ACOXL: variants seen among roughly 807,000 people sequenced by gnomAD.
ACOXL encodes acyl-coenzyme A oxidase-like protein.
In ACOXL, 70 loss-of-function variants were observed where a neutral mutation model predicts 71.9. The ratio of observed to expected loss-of-function variants is 0.97; its 90% confidence interval spans 0.80 to 1.19. The LOEUF (loss-of-function observed/expected upper bound fraction) is 1.19, where lower values mean the gene tolerates loss of function less well. Among genes scored for constraint, ACOXL ranks in the 50% most tolerant of loss-of-function variants. The pLI is 0.00. For synonymous variants in ACOXL, 253 were observed against 281.6 expected, an observed-to-expected ratio of 0.90 and a Z score of 1.02; for missense variants, 703 against 736.3, an observed-to-expected ratio of 0.95 and a Z score of 0.52.
rs563433441 is a variant in ACOXL at position 110,910,848 on chromosome 2, CACTT to C, written c.905+1949_905+1952del. ...AGAGTTTATTTATAACAAAAACAAG[CACTT>C]ACTTATTTTAAATATTTTTGGTCAG... is the stretch of plus-strand genomic sequence containing the variant. On this transcript the variant is annotated intron_variant, in intron 11 of 17. Transcript: ENST00000439055. Among the ~76,000 whole-genome samples, 496 of 152,220 alleles carry C rather than the reference CACTT, an allele frequency of 3.3e-3. 2 individuals are homozygous for C. Among genetic ancestry groups the C allele is most frequent in the African/African-American group, 0.011 (450 of 41,550 alleles).
At chr2:110,803,676 A>G (rs1373529285) in intron 8 of ACOXL, among the ~76,000 whole-genome samples, 2 of 152,236 alleles carry the variant, frequency 1.3e-5, no homozygotes, top group Non-Finnish European at 2.9e-5. Flanking sequence ...ATTGGACTTC[A>G]TCGAAGTTAT....
chr2:110,741,892 C>T (rs766679293), intron 1 of ACOXL, among the ~76,000 whole-genome samples: 1 of 152,178 alleles, frequency 6.6e-6, no homozygotes, highest in Non-Finnish European at 1.5e-5. Flanking sequence ...GGTGGTTTTC[C>T]AAGTGTCTGC....
At chr2:110,881,377 A>G (rs1275168690) in intron 10 of ACOXL, among the ~76,000 whole-genome samples, 2 of 152,100 alleles carry the variant, frequency 1.3e-5, no homozygotes, top group Non-Finnish European at 2.9e-5. Flanking sequence ...TGGTAACTTA[A>G]AAATTATATC....
At chr2:110,847,752 G>A (rs1692095594) in intron 10 of ACOXL, among the ~76,000 whole-genome samples, 1 of 152,210 alleles carries the variant, frequency 6.6e-6, no homozygotes, top group Admixed American at 6.5e-5. Flanking sequence ...CTCGAGGGCT[G>A]GACGGGGAAA....
intron 1 of ACOXL, among the ~76,000 whole-genome samples, chr2:110,750,672 G>GGT (rs374223711): frequency 7.4e-5 from 11 of 147,940 alleles, no homozygotes; most frequent in South Asian, 2.2e-4. Flanking sequence ...TATGTGTATG[G>GGT]GTGTGTGTGT....
chr2:110,806,309 G>C (rs1686637022), intron 9 of ACOXL, among the ~76,000 whole-genome samples: 1 of 152,236 alleles, frequency 6.6e-6, no homozygotes, highest in Admixed American at 6.5e-5. Flanking sequence ...GCCCGCCCGT[G>C]CACCCCAGTT....
chr2:110,829,385 C>T (rs547250507), intron 9 of ACOXL, among the ~76,000 whole-genome samples: 1 of 152,260 alleles, frequency 6.6e-6, no homozygotes, highest in African/African-American at 2.4e-5. Flanking sequence ...CTGATCTTCC[C>T]TTAGCTGTGT....
chr2:110,836,627 A>G (rs1158855776), intron 9 of ACOXL, among the ~76,000 whole-genome samples: 3 of 152,180 alleles, frequency 2.0e-5, no homozygotes, highest in African/African-American at 4.8e-5. Context: ...TTCTTTTTCC[A>G]TATTTTCTGT....
intron 10 of ACOXL, among the ~76,000 whole-genome samples, chr2:110,873,296 G>T (rs1392757894): frequency 6.6e-6 from 1 of 152,090 alleles, no homozygotes; most frequent in Non-Finnish European, 1.5e-5. Flanking sequence ...ATGCCTGGGA[G>T]TCCAGTGGGA....
At chr2:110,968,563 C>T (rs1574323027) in intron 12 of ACOXL, 3 of 1,002,748 alleles carry the variant, frequency 3.0e-6, no homozygotes, top group East Asian at 4.8e-5. Flanking sequence ...TAAGAAAGCT[C>T]ATGCTGCTTA....
Position 111,111,015 on chromosome 2 carries a change from T to G in ACOXL, c.1543-6601T>G, listed in dbSNP as rs1238281828. Among the ~76,000 whole-genome samples the G allele has an allele frequency of 2.6e-5, 4 of 151,062 alleles. No individual in the cohort carries two copies. The East Asian group carries it at 5.8e-4, about 22-fold the overall frequency. Reference sequence around the variant, plus strand: ...CTCTTGAAAATTTTTGACTGAAGATTATTCCTTCTTGAGTATGTTTGCATT... The same window carrying G: ...CTCTTGAAAATTTTTGACTGAAGATGATTCCTTCTTGAGTATGTTTGCATT... On this transcript the variant is annotated intron_variant, in intron 17 of 17. Transcript: ENST00000439055.
intron 17 of ACOXL, among the ~76,000 whole-genome samples, chr2:111,110,283 C>T (rs999612456): frequency 6.6e-6 from 1 of 152,180 alleles, no homozygotes; most frequent in Non-Finnish European, 1.5e-5. Flanking sequence ...ACTGAGTTCA[C>T]TGTGCTTAGT....
intron 11 of ACOXL, among the ~76,000 whole-genome samples, chr2:110,917,701 C>T (rs574653966): frequency 4.5e-4 from 69 of 152,328 alleles, no homozygotes; most frequent in Non-Finnish European, 5.6e-4. Context: ...GCAACTTCAG[C>T]AAAGTCTCAG....
intron 10 of ACOXL, among the ~76,000 whole-genome samples, chr2:110,842,186 C>T (rs777236755): frequency 6.6e-6 from 1 of 152,124 alleles, no homozygotes; most frequent in Non-Finnish European, 1.5e-5. Context: ...TTTCAATATA[C>T]ACGTGAATTG....
chr2:111,072,839 A>T (rs1184741209), intron 16 of ACOXL, among the ~76,000 whole-genome samples: 1 of 152,244 alleles, frequency 6.6e-6, no homozygotes, highest in Non-Finnish European at 1.5e-5. Flanking sequence ...TTACTGGATT[A>T]TATGGCAAGC....
chr2:110,976,680 CAATT>C (rs1316666903), intron 12 of ACOXL, among the ~76,000 whole-genome samples: 1 of 152,080 alleles, frequency 6.6e-6, no homozygotes, highest in Non-Finnish European at 1.5e-5. Context: ...GCCCAGAAAA[CAATT>C]AGTCCAAATT....
intron 11 of ACOXL, among the ~76,000 whole-genome samples, chr2:110,931,619 A>T (rs879876076): frequency 1.3e-5 from 2 of 152,176 alleles, no homozygotes; most frequent in Admixed American, 1.3e-4. Flanking sequence ...AGGGACCTTG[A>T]CTGAGGTATG....
chr2:110,852,986 A>G (rs1692797717), intron 10 of ACOXL, among the ~76,000 whole-genome samples: 1 of 152,020 alleles, frequency 6.6e-6, no homozygotes. Context: ...ACATTTATAC[A>G]CTCACATGTC....
At chr2:110,745,444 T>A (rs751002661) in intron 1 of ACOXL, among the ~76,000 whole-genome samples, 1 of 152,080 alleles carries the variant, frequency 6.6e-6, no homozygotes, top group Non-Finnish European at 1.5e-5. Flanking sequence ...ACCAGCATCA[T>A]GTAGTTTGGG....
Sources: gnomAD v4.1 joint callset for allele counts (sites outside exome capture counted in the v4.1 genomes callset) on GRCh38, gnomAD v4.1.1 for gene constraint, MANE v1.5 for transcripts, NCBI Gene and HGNC (gene_info 2026-07-23, HGNC 2026-07-21) for gene names.